RUNX2: variants seen among roughly 807,000 people sequenced by gnomAD.
The protein encoded by RUNX2 is runt-related transcription factor 2.
Under a neutral mutation model 51.7 loss-of-function variants are expected in RUNX2, and 10 were observed. The observed-to-expected ratio is 0.19, with a 90% CI of 0.12 to 0.33. The LOEUF (loss-of-function observed/expected upper bound fraction) is 0.33. Ranked by LOEUF, RUNX2 falls within the 10% of genes least tolerant of loss-of-function variation. The pLI is 1.00. For missense variants in RUNX2, 562 were observed against 691.3 expected (o/e 0.81, Z 2.10); for synonymous variants, 276 against 273.6 (o/e 1.01, Z -0.09).
chr6:45,357,156 G>T (rs12213644), intron 2 of RUNX2, among the ~76,000 whole-genome samples: 33,115 of 151,748 alleles, frequency 0.22, 4,408 homozygotes, highest in Non-Finnish European at 0.31. Context: ...ACAGGCACCC[G>T]CCACCAAGCC....
At chr6:45,462,920 G>A (rs988985017) in intron 5 of RUNX2, among the ~76,000 whole-genome samples, 1 of 152,154 alleles carries the variant, frequency 6.6e-6, no homozygotes, top group African/African-American at 2.4e-5. Flanking sequence ...GTGAGTAAAG[G>A]AACAAGTTGC....
intron 2 of RUNX2, among the ~76,000 whole-genome samples, chr6:45,395,403 T>C (rs1313569582): frequency 1.3e-5 from 2 of 152,244 alleles, no homozygotes; most frequent in African/African-American, 4.8e-5. Flanking sequence ...TGCTCAAATC[T>C]GGTTCTTAAA....
chr6:45,413,817 G>A (rs182879765), intron 2 of RUNX2, among the ~76,000 whole-genome samples: 16 of 152,170 alleles, frequency 1.1e-4, no homozygotes, highest in African/African-American at 1.4e-4. Context: ...AAAGATGCTC[G>A]TAATGAAGCA....
At position 45,510,520 on chromosome 6, in the gene RUNX2, G is replaced by A. The variant is rs1801108575; in HGVS notation, c.860-1726G>A. On this transcript the variant is annotated intron_variant, in intron 6 of 8. Coordinates refer to ENST00000647337, the MANE Select transcript of RUNX2 (RefSeq NM_001024630.4). ...ACTGCTGTGACTGTATAGAAAAACT[G>A]AGAGGTTTTAACGGAGGAATGATCT... Among the ~76,000 whole-genome samples the A allele has an allele frequency of 2.0e-5, 3 of 152,258 alleles. No individual in the cohort carries two copies. In the South Asian group the frequency reaches 6.2e-4, roughly 32 times the overall value.
intron 2 of RUNX2, among the ~76,000 whole-genome samples, chr6:45,384,269 G>T (rs202074121): frequency 5.3e-5 from 8 of 151,098 alleles, no homozygotes; most frequent in East Asian, 3.9e-4. Context: ...AGTGGTTGGG[G>T]TTTTTTTTGT....
Position 45,400,182 on chromosome 6 carries a change from G to A in RUNX2, c.59-22411G>A, listed in dbSNP as rs537799020. On this transcript the variant is annotated intron_variant, in intron 2 of 8. Coordinates refer to ENST00000647337, the MANE Select transcript of RUNX2 (RefSeq NM_001024630.4). Reference sequence around the variant, plus strand: ...AAGAAGGAAGGAAGGAAAGAAGGAGGGAATGAGGGAAGGAAGGAAGGAAGG... The same window carrying A: ...AAGAAGGAAGGAAGGAAAGAAGGAGAGAATGAGGGAAGGAAGGAAGGAAGG... 9.6e-5 allele frequency among the ~76,000 whole-genome samples: 13 copies of A among 136,114 alleles called. No individual in the cohort carries two copies. In the East Asian group the frequency reaches 2.7e-3, roughly 28 times the overall value. 89.3% of individuals were successfully genotyped at this position (136,114 alleles called of 152,430 possible).
chr6:45,412,229 G>A (rs761775689), intron 2 of RUNX2, among the ~76,000 whole-genome samples: 2 of 150,950 alleles, frequency 1.3e-5, no homozygotes, highest in African/African-American at 2.4e-5. Context: ...GGTAGCTCAT[G>A]CCTGTAGTTC....
intron 2 of RUNX2, among the ~76,000 whole-genome samples, chr6:45,418,020 A>G (rs1327790825): frequency 6.6e-6 from 1 of 152,150 alleles, no homozygotes; most frequent in East Asian, 1.9e-4. Context: ...TTCTCCAAAG[A>G]TCGTTCTGTT....
At chr6:45,481,869 T>C (rs1475915874) in intron 5 of RUNX2, among the ~76,000 whole-genome samples, 2 of 152,204 alleles carry the variant, frequency 1.3e-5, no homozygotes, top group East Asian at 3.8e-4. Flanking sequence ...ATTATTTCTC[T>C]AAAATGAAGA....
chr6:45,512,346 G>C lies in RUNX2; in HGVS notation c.960G>C (p.Pro320=). 1 of 1,613,944 alleles carries C rather than the reference G, an allele frequency of 6.2e-7. No individual in the cohort carries two copies. Among genetic ancestry groups the C allele is most frequent in the Non-Finnish European group, 8.5e-7 (1 of 1,179,996 alleles). ...MTSPSIHSTT[P]LSSTRGTGLP... ...CCCCGTCCATCCACTCTACCACCCC[G>C]CTGTCTTCCACACGGGGCACTGGGC... Residue 320 remains proline, a synonymous_variant, in exon 7 of 9, where the codon CCG becomes CCC. Transcript: ENST00000647337.
intron 6 of RUNX2, among the ~76,000 whole-genome samples, chr6:45,500,821 T>G (rs1477950991): frequency 6.6e-6 from 1 of 152,200 alleles, no homozygotes; most frequent in Non-Finnish European, 1.5e-5. Flanking sequence ...ACCGTCTGTC[T>G]GCTAGGACTA....
chr6:45,409,386 G>T (rs1217004892), intron 2 of RUNX2, among the ~76,000 whole-genome samples: 1 of 152,140 alleles, frequency 6.6e-6, no homozygotes. Flanking sequence ...GATCTCCTGA[G>T]CCCTTAGGAT....
intron 5 of RUNX2, among the ~76,000 whole-genome samples, chr6:45,475,501 G>A (rs1582151026): frequency 6.6e-6 from 1 of 152,172 alleles, no homozygotes; most frequent in East Asian, 1.9e-4. Flanking sequence ...AATATCACAT[G>A]CCTTAGTGCT....
intron 2 of RUNX2, among the ~76,000 whole-genome samples, chr6:45,402,683 A>T (rs1002487199): frequency 6.6e-6 from 1 of 152,138 alleles, no homozygotes; most frequent in Non-Finnish European, 1.5e-5. Flanking sequence ...CCTGAGCTAC[A>T]TAGAGAGCCT....
intron 4 of RUNX2, among the ~76,000 whole-genome samples, chr6:45,433,282 GA>G (rs1385197284): frequency 6.6e-6 from 1 of 152,040 alleles, no homozygotes; most frequent in East Asian, 1.9e-4. Context: ...ATAAAAAGAA[GA>G]AAAAAAGACA....
At chr6:45,449,645 G>A (rs545119986) in intron 5 of RUNX2, among the ~76,000 whole-genome samples, 11 of 152,334 alleles carry the variant, frequency 7.2e-5, no homozygotes, top group African/African-American at 2.4e-4. Context: ...TAATGCTGCA[G>A]TAGCATCGCT....
At chr6:45,484,062 A>G (rs1800195334) in intron 5 of RUNX2, among the ~76,000 whole-genome samples, 2 of 152,232 alleles carry the variant, frequency 1.3e-5, no homozygotes, top group African/African-American at 4.8e-5. Context: ...AAAGAATTTC[A>G]GAAATTATGG....
chr6:45,538,340 G>A (rs1463129974), intron 7 of RUNX2, among the ~76,000 whole-genome samples: 2 of 152,168 alleles, frequency 1.3e-5, no homozygotes, highest in South Asian at 2.1e-4. Context: ...TGCCTCGCTC[G>A]CCATCTCCCC....
At chr6:45,486,695 G>A (rs910222668) in intron 5 of RUNX2, among the ~76,000 whole-genome samples, 2 of 152,146 alleles carry the variant, frequency 1.3e-5, no homozygotes, top group Non-Finnish European at 2.9e-5. Flanking sequence ...ACATTCTTCA[G>A]GGTGCGCTGA....
Sources: gnomAD v4.1 joint callset for allele counts (sites outside exome capture counted in the v4.1 genomes callset) on GRCh38, gnomAD v4.1.1 for gene constraint, MANE v1.5 for transcripts, NCBI Gene and HGNC (gene_info 2026-07-23, HGNC 2026-07-21) for gene names.